The following NIPAL3 variants were observed in gnomAD, a reference collection of about 807,000 sequenced individuals.
NIPAL3 encodes NIPA-like protein 3.
A neutral mutation model predicts 47.2 loss-of-function variants in NIPAL3; 41 were observed. The observed-to-expected ratio is 0.87, with a 90% CI of 0.68 to 1.13. NIPAL3 has a LOEUF of 1.13. NIPAL3 is among the 50% of genes most tolerant of loss of function. The probability of loss-of-function intolerance (pLI) is 0.00; values close to 1 mark genes in which losing one functional copy is unlikely to be tolerated. For missense variants in NIPAL3, 449 were observed against 530.1 expected (o/e 0.85, Z 1.50); for synonymous variants, 194 against 209.6 (o/e 0.93, Z 0.64).
chr1:24,451,206 A>C lies in NIPAL3; in HGVS notation c.540+1580A>C, dbSNP rs1645919698. 6.6e-6 allele frequency among the ~76,000 whole-genome samples: 1 copy of C among 152,270 alleles called. No homozygotes were observed. The highest frequency in any genetic ancestry group is 2.4e-5 in the African/African-American group (1 of 41,474). On this transcript the variant is annotated intron_variant, in intron 6 of 11. Transcript: ENST00000374399. The surrounding 1 kb of genome is among the most constrained non-coding windows in gnomAD (Gnocchi z 4.5). ...TCTTACTTCATCATGACTGGGAGGC[A>C]GTGCTGCCAGCTGGAGAGATTTGGC...
chr1:24,461,845 A>G (rs1646486965), intron 10 of NIPAL3, among the ~76,000 whole-genome samples: 1 of 151,990 alleles, frequency 6.6e-6, no homozygotes, highest in Non-Finnish European at 1.5e-5. Flanking sequence ...TGCCTGGACA[A>G]TGAGAGCATA....
At chr1:24,422,515 C>T (rs1022567653) in intron 2 of NIPAL3, among the ~76,000 whole-genome samples, 2 of 152,202 alleles carry the variant, frequency 1.3e-5, no homozygotes, top group Non-Finnish European at 2.9e-5. Flanking sequence ...CTCTCCCTGC[C>T]TTCACCCTTT....
Position 24,469,233 on chromosome 1 carries a change from T to C in NIPAL3, c.*48T>C. The C allele has an allele frequency of 6.6e-7, 1 of 1,523,318 alleles. No homozygotes were observed. Among genetic ancestry groups the C allele is most frequent in the South Asian group, 1.2e-5 (1 of 86,788 alleles). The allele number at this position is 1,523,318 out of a possible 1,614,324, so 94.4% of individuals were successfully genotyped here. Reference sequence around the variant, plus strand: ...ACTGTCCCCTCCAGGCTGACAGTGGTTCAACCCTGAATCCTAAAACTTGCC... The same window carrying C: ...ACTGTCCCCTCCAGGCTGACAGTGGCTCAACCCTGAATCCTAAAACTTGCC... On this transcript the variant is annotated 3_prime_UTR_variant, in exon 12 of 12. Transcript: ENST00000374399.
intron 4 of NIPAL3, among the ~76,000 whole-genome samples, chr1:24,444,984 A>G (rs1645587289): frequency 6.6e-6 from 1 of 152,186 alleles, no homozygotes. Context: ...CCTTGTAGGA[A>G]ATCCTCAGGA....
intron 2 of NIPAL3, among the ~76,000 whole-genome samples, chr1:24,431,340 A>C (rs1272037812): frequency 6.6e-6 from 1 of 152,138 alleles, no homozygotes; most frequent in Non-Finnish European, 1.5e-5. Context: ...AACGGGAAAA[A>C]ACTGCCGTGA....
chr1:24,469,303 G>C lies in NIPAL3; in HGVS notation c.*118G>C. 1.2e-6 allele frequency: 1 copy of C among 815,838 alleles called. No individual in the cohort carries two copies. The highest frequency in any genetic ancestry group is 1.9e-6 in the Non-Finnish European group (1 of 535,368). 50.5% of individuals were successfully genotyped at this position (815,838 alleles called of 1,614,324 possible). ...TCTAACTGAGAACTCTATGGATGAT[G>C]ATCTCAAAAAGCCTTTGTCTCTGGG... On this transcript the variant is annotated 3_prime_UTR_variant, in exon 12 of 12. Coordinates refer to ENST00000374399, the MANE Select transcript of NIPAL3 (RefSeq NM_020448.5).
Position 24,454,302 on chromosome 1 carries a change from C to A in NIPAL3, c.637+798C>A. On this transcript the variant is annotated intron_variant, in intron 7 of 11. Coordinates refer to ENST00000374399, the MANE Select transcript of NIPAL3 (RefSeq NM_020448.5). This position sits in a 1 kb window ranked among gnomAD's most constrained non-coding sequence, Gnocchi z 4.1. ...CTGGTGTCAGGGCTGGTGAAGCCTG[C>A]TACCGCGCTGCTCTTGAGTGGCCTC... 8.7e-7 allele frequency: 1 copy of A among 1,152,752 alleles called. No individual in the cohort carries two copies. The highest frequency in any genetic ancestry group is 1.1e-6 in the Non-Finnish European group (1 of 925,762). 71.4% of individuals were successfully genotyped at this position (1,152,752 alleles called of 1,614,324 possible). A position where few individuals can be genotyped will look rare whatever the true frequency, so the allele number is the denominator to read the frequency against.
chr1:24,427,277 C>T (rs1437099284), intron 2 of NIPAL3, among the ~76,000 whole-genome samples: 2 of 152,140 alleles, frequency 1.3e-5, no homozygotes, highest in South Asian at 2.1e-4. Context: ...CAGGGTGCCT[C>T]GTAGGTGTGT....
chr1:24,463,965 T>C, intron 10 of NIPAL3, 61 bp from the exon 11 acceptor site: 1 of 1,409,382 alleles, frequency 7.1e-7, no homozygotes. Context: ...AGCCTGAAAG[T>C]GTGCCTGCCC....
At chr1:24,417,729 T>C (rs947602974) in intron 1 of NIPAL3, among the ~76,000 whole-genome samples, 3 of 152,276 alleles carry the variant, frequency 2.0e-5, no homozygotes, top group African/African-American at 2.4e-5. Context: ...CCTGCATTTG[T>C]TGTATCCCAG....
intron 2 of NIPAL3, chr1:24,433,334 G>T (rs1181195954): frequency 1.3e-5 from 2 of 152,230 alleles, no homozygotes; most frequent in Non-Finnish European, 2.9e-5. Flanking sequence ...ACTGTACGTT[G>T]TAGGTTGCCT....
At chr1:24,435,562 C>T (rs1645061686) in intron 2 of NIPAL3, among the ~76,000 whole-genome samples, 1 of 152,216 alleles carries the variant, frequency 6.6e-6, no homozygotes, top group Non-Finnish European at 1.5e-5. Flanking sequence ...TTTAGTAGTA[C>T]ATGAAATGTC....
intron 2 of NIPAL3, among the ~76,000 whole-genome samples, chr1:24,432,951 T>A (rs1644942396): frequency 6.6e-6 from 1 of 152,216 alleles, no homozygotes; most frequent in African/African-American, 2.4e-5. Flanking sequence ...TGCCCTATTG[T>A]TAATGATGGA....
chr1:24,437,533 A>T (rs764301981), intron 2 of NIPAL3, among the ~76,000 whole-genome samples: 3 of 152,190 alleles, frequency 2.0e-5, no homozygotes, highest in Admixed American at 6.5e-5. Context: ...AGTTGCAAGT[A>T]ACAGAAGCAA....
chr1:24,466,807 C>T (rs112606957), intron 11 of NIPAL3, among the ~76,000 whole-genome samples: 20 of 152,190 alleles, frequency 1.3e-4, no homozygotes, highest in Admixed American at 8.5e-4. Context: ...AGAACGGGCA[C>T]CTCCTCAGCT....
At chr1:24,445,480 G>C (rs1645614166) in intron 5 of NIPAL3, among the ~76,000 whole-genome samples, 1 of 152,104 alleles carries the variant, frequency 6.6e-6, no homozygotes, top group Non-Finnish European at 1.5e-5. Flanking sequence ...CACCCCATTG[G>C]ATCAATTTTG....
intron 11 of NIPAL3, chr1:24,466,083 C>G: frequency 2.5e-6 from 4 of 1,611,150 alleles, no homozygotes; most frequent in Non-Finnish European, 2.5e-6. Flanking sequence ...ATTTGGAGAG[C>G]CTTTGAGTAA....
chr1:24,422,776 GT>G (rs1287460202), intron 2 of NIPAL3, among the ~76,000 whole-genome samples: 2 of 152,220 alleles, frequency 1.3e-5, no homozygotes, highest in African/African-American at 4.8e-5. Context: ...CAAGTAGGCA[GT>G]GTTACTGTTC....
At chr1:24,433,462 G>T (rs1644967486) in intron 2 of NIPAL3, among the ~76,000 whole-genome samples, 1 of 152,206 alleles carries the variant, frequency 6.6e-6, no homozygotes, top group African/African-American at 2.4e-5. Flanking sequence ...CCTCAGGCTG[G>T]AAGTCTGAGA....
Sources: allele counts gnomAD v4.1 joint callset (sites outside exome capture counted in the v4.1 genomes callset), GRCh38; gene constraint gnomAD v4.1.1; non-coding constraint Gnocchi (gnomAD v3.1); transcripts MANE v1.5; gene names NCBI Gene and HGNC (gene_info 2026-07-23, HGNC 2026-07-21).